Variants in RPS6KA4 observed in about 807,000 individuals in gnomAD.
RPS6KA4 encodes ribosomal protein S6 kinase alpha-4.
In RPS6KA4, 38 loss-of-function variants were observed where a neutral mutation model predicts 89.6. That is an observed-to-expected ratio of 0.42 (90% CI 0.33 to 0.56). The LOEUF (loss-of-function observed/expected upper bound fraction) is 0.56. Ranked by LOEUF, RPS6KA4 falls within the 20% of genes least tolerant of loss-of-function variation. The probability of loss-of-function intolerance (pLI) is 0.07; values close to 1 mark genes in which losing one functional copy is unlikely to be tolerated. For synonymous variants in RPS6KA4, 495 were observed against 492.8 expected (o/e 1.00, Z -0.06); for missense variants, 873 against 1,098.8 (o/e 0.79, Z 2.90).
Position 64,370,806 on chromosome 11 carries a change from C to T in RPS6KA4, c.2121+80C>T, listed in dbSNP as rs977556307. On this transcript the variant is annotated intron_variant, in intron 16 of 16. Coordinates refer to ENST00000334205, the MANE Select transcript of RPS6KA4 (RefSeq NM_003942.3). The surrounding 1 kb of genome is among the most constrained non-coding windows in gnomAD (Gnocchi z 4.1). Reference sequence around the variant, plus strand: ...GTCTGGGGAGGCCCGGCCATCGGAGCACAGAAAGGCGAGGTGAGGCCGGGC... The same window carrying T: ...GTCTGGGGAGGCCCGGCCATCGGAGTACAGAAAGGCGAGGTGAGGCCGGGC... The T allele has an allele frequency of 1.4e-6, 2 of 1,428,620 alleles. No homozygotes were observed. The highest frequency in any genetic ancestry group is 1.8e-6 in the Non-Finnish European group (2 of 1,089,196). 88.5% of individuals were successfully genotyped at this position (1,428,620 alleles called of 1,614,324 possible).
chr11:64,361,638 G>A lies in RPS6KA4; in HGVS notation c.652-4G>A, dbSNP rs2036753002. ...CAGGCCCTCACCCCGGCTCCACCCGGCAGGCTGTGGACTGGTGGAGCCTGG... is the reference window on the plus strand; with the variant it reads ...CAGGCCCTCACCCCGGCTCCACCCGACAGGCTGTGGACTGGTGGAGCCTGG... On this transcript the variant is annotated splice_polypyrimidine_tract_variant and splice_region_variant and intron_variant, in intron 6 of 16. Coordinates refer to ENST00000334205, the MANE Select transcript of RPS6KA4 (RefSeq NM_003942.3). This position sits in a 1 kb window ranked among gnomAD's most constrained non-coding sequence, Gnocchi z 4.7. The A allele has an allele frequency of 1.2e-6, 2 of 1,613,138 alleles. No individual in the cohort carries two copies. The highest frequency in any genetic ancestry group is 3.3e-5 in the Admixed American group (2 of 59,970).
rs1466391730 is a variant in RPS6KA4 at position 64,361,041 on chromosome 11, G to A, written c.463-93G>A. The A allele has an allele frequency of 1.0e-6, 1 of 990,154 alleles. No homozygotes were observed. The highest frequency in any genetic ancestry group is 1.5e-5 in the South Asian group (1 of 64,976). 61.3% of individuals were successfully genotyped at this position (990,154 alleles called of 1,614,324 possible). ...CCTCTACAGGCAGATGACTTTCTCTGGGGGGTCTCCTTATCCTGAGCAGGG... is the reference window on the plus strand; with the variant it reads ...CCTCTACAGGCAGATGACTTTCTCTAGGGGGTCTCCTTATCCTGAGCAGGG... On this transcript the variant is annotated intron_variant, in intron 4 of 16. Transcript: ENST00000334205. This position sits in a 1 kb window ranked among gnomAD's most constrained non-coding sequence, Gnocchi z 4.7.
chr11:64,369,557 G>C lies in RPS6KA4; in HGVS notation c.1540G>C (p.Val514Leu). The C allele has an allele frequency of 6.2e-7, 1 of 1,606,902 alleles. No individual in the cohort carries two copies. Among genetic ancestry groups the C allele is most frequent in the Non-Finnish European group, 8.5e-7 (1 of 1,177,308 alleles). The part of the protein sequence containing the change: ...SEASQILRSL[V>L]SAVSFMHEEA... The stretch of plus-strand genomic sequence containing the variant: ...AGCAAGCCAGATCCTGCGCAGCCTC[G>C]TGTCGGCCGTGAGCTTCATGCACGA... The change falls in exon 13 of 17, where the codon GTG becomes CTG. Residue 514 changes from valine to leucine, a missense_variant. Coordinates refer to ENST00000334205, the MANE Select transcript of RPS6KA4 (RefSeq NM_003942.3).
At chr11:64,368,395 G>T in intron 10 of RPS6KA4, 73 bp from the exon 11 acceptor site, 3 of 1,541,224 alleles carry the variant, frequency 1.9e-6, no homozygotes, top group Non-Finnish European at 2.6e-6. Context: ...CATGGGGCGT[G>T]GCGGGGCCGC....
chr11:64,364,073 A>G (rs1438451693), intron 8 of RPS6KA4, among the ~76,000 whole-genome samples: 1 of 151,804 alleles, frequency 6.6e-6, no homozygotes, highest in Non-Finnish European at 1.5e-5. Flanking sequence ...AGTCCAGATT[A>G]GCAGACCAGG....
In RPS6KA4 at chr11:64,368,450, C is replaced by T. The variant is rs1169100582; in HGVS notation, c.1201-18C>T. 3 of 1,546,890 alleles carry T rather than the reference C, an allele frequency of 1.9e-6. No individual in the cohort carries two copies. The highest frequency in any genetic ancestry group is 2.6e-6 in the Non-Finnish European group (3 of 1,146,488). On this transcript the variant is annotated intron_variant, in intron 10 of 16. Transcript: ENST00000334205. Reference sequence around the variant, plus strand: ...TCTGACGCGCCGCCTTCGCCTTCGCCTTCGCCTTCGCCTCCAGGACTCGCC... The same window carrying T: ...TCTGACGCGCCGCCTTCGCCTTCGCTTTCGCCTTCGCCTCCAGGACTCGCC...
At chr11:64,359,636 C>A in intron 2 of RPS6KA4, 187 bp downstream of exon 2, 1 of 614,334 alleles carries the variant, frequency 1.6e-6, no homozygotes, top group Non-Finnish European at 2.9e-6. Flanking sequence ...TCCACATTGA[C>A]ATCACTCCTC....
In RPS6KA4 at chr11:64,369,726, G is replaced by C; in HGVS notation, c.1630G>C (p.Gly544Arg). 4 of 1,610,608 alleles carry C rather than the reference G, an allele frequency of 2.5e-6. No homozygotes were observed. Among genetic ancestry groups the C allele is most frequent in the Non-Finnish European group, 2.5e-6 (3 of 1,178,612 alleles). Residue 544 changes from glycine (G) to arginine (R), a missense_variant, in exon 14 of 17, where the codon GGG becomes CGG. Gly to Arg is a moderately radical substitution (Grantham distance 125, BLOSUM62 -2). Transcript: ENST00000334205. Reference protein sequence around the residue: ...ENILYADDTPGAPVKIIDFGF... With the variant: ...ENILYADDTPRAPVKIIDFGF... ...CATCCTGTACGCCGACGACACGCCC[G>C]GGGCCCCGGTGAAAATCATCGACTT...
intron 9 of RPS6KA4, among the ~76,000 whole-genome samples, chr11:64,367,547 G>GT (rs918055492): frequency 6.6e-6 from 1 of 152,214 alleles, no homozygotes; most frequent in African/African-American, 2.4e-5. Flanking sequence ...CTGACCTCAG[G>GT]TGATCTACCT....
At position 64,361,563 on chromosome 11, in the gene RPS6KA4, G is replaced by A. The variant is rs1214671257; in HGVS notation, c.651+14G>A. ...GGGCATGGCAAGGTAGGTTGGCAGG[G>A]AAGTGGGGCTGGGGGAGGTGGAAAG... On this transcript the variant is annotated intron_variant, in intron 6 of 16. Transcript: ENST00000334205. This position sits in a 1 kb window ranked among gnomAD's most constrained non-coding sequence, Gnocchi z 4.7. The A allele has an allele frequency of 2.5e-6, 4 of 1,613,932 alleles. No homozygotes were observed. Among genetic ancestry groups the A allele is most frequent in the Non-Finnish European group, 3.4e-6 (4 of 1,179,994 alleles).
Position 64,370,024 on chromosome 11 carries a change from C to G in RPS6KA4, c.1797+131C>G. On this transcript the variant is annotated intron_variant, in intron 14 of 16. Coordinates refer to ENST00000334205, the MANE Select transcript of RPS6KA4 (RefSeq NM_003942.3). The surrounding 1 kb of genome is among the most constrained non-coding windows in gnomAD (Gnocchi z 4.1). ...GCTGGGTTTCGTCCGAAGCTGGGAT[C>G]GGGGTGGTTCAAATACAGAGGTGGG... 2 of 1,150,478 alleles carry G rather than the reference C, an allele frequency of 1.7e-6. No homozygotes were observed. The highest frequency in any genetic ancestry group is 2.4e-6 in the Non-Finnish European group (2 of 841,928). The allele number at this position is 1,150,478 out of a possible 1,614,324, so 71.3% of individuals were successfully genotyped here. A position where few individuals can be genotyped will look rare whatever the true frequency, so the allele number is the denominator to read the frequency against.
Position 64,370,801 on chromosome 11 carries a change from C to T in RPS6KA4, c.2121+75C>T. On this transcript the variant is annotated intron_variant, in intron 16 of 16. Transcript: ENST00000334205. This position sits in a 1 kb window ranked among gnomAD's most constrained non-coding sequence, Gnocchi z 4.1. ...GTGGGGTCTGGGGAGGCCCGGCCAT[C>T]GGAGCACAGAAAGGCGAGGTGAGGC... The T allele has an allele frequency of 1.4e-6, 2 of 1,435,326 alleles. No individual in the cohort carries two copies. The highest frequency in any genetic ancestry group is 1.8e-6 in the Non-Finnish European group (2 of 1,093,506). 88.9% of individuals were successfully genotyped at this position (1,435,326 alleles called of 1,614,324 possible). A position where few individuals can be genotyped will look rare whatever the true frequency, so the allele number is the denominator to read the frequency against.
intron 4 of RPS6KA4, chr11:64,360,866 A>G (rs187220941): frequency 1.7e-6 from 1 of 573,602 alleles, no homozygotes; most frequent in East Asian, 2.9e-5. Flanking sequence ...TGGAAACCTC[A>G]CGGCCTGGCT....
At position 64,361,704 on chromosome 11, in the gene RPS6KA4, C is replaced by T. The variant is rs2036755109; in HGVS notation, c.714C>T (p.Phe238=). The T allele has an allele frequency of 6.2e-7, 1 of 1,611,030 alleles. No individual in the cohort carries two copies. The highest frequency in any genetic ancestry group is 8.5e-7 in the Non-Finnish European group (1 of 1,179,278). The change falls in exon 7 of 17, where the codon TTC becomes TTT. Residue 238 remains phenylalanine (F), a synonymous_variant. Transcript: ENST00000334205. This position sits in a 1 kb window ranked among gnomAD's most constrained non-coding sequence, Gnocchi z 4.7. The stretch of plus-strand genomic sequence containing the variant: ...AGCTGCTGACGGGGGCCTCGCCCTT[C>T]ACCCTGGAGGGCGAGAGGAACACGC... ...LFELLTGASP[F]TLEGERNTQA...
In RPS6KA4 at chr11:64,371,439, G is replaced by A; in HGVS notation, c.2278G>A (p.Gly760Arg). The A allele has an allele frequency of 6.3e-7, 1 of 1,586,270 alleles. No homozygotes were observed. The highest frequency in any genetic ancestry group is 1.8e-5 in the Admixed American group (1 of 56,084). ...GGGCCGAGCCCCCGTCGCCTCCAAA[G>A]GGGCCCCCCGCCGAGCCAACGGCCC... Reference protein sequence around the residue: ...NPGRAPVASKGAPRRANGPLP... With the variant: ...NPGRAPVASKRAPRRANGPLP... Residue 760 changes from glycine (G) to arginine (R), a missense_variant, in exon 17 of 17, where the codon GGG becomes AGG. Gly to Arg is a moderately radical substitution (Grantham distance 125). Around this residue, in one of 4 missense-constraint regions of RPS6KA4, gnomAD observed 278 missense variants for 284.8 expected, o/e 0.98. Coordinates refer to ENST00000334205, the MANE Select transcript of RPS6KA4 (RefSeq NM_003942.3).
chr11:64,359,735 C>T, intron 2 of RPS6KA4: 1 of 549,780 alleles, frequency 1.8e-6, no homozygotes, highest in Non-Finnish European at 3.2e-6. Context: ...ATTTGCATAG[C>T]TCCTCCCTTT....
At chr11:64,360,726 G>A in intron 4 of RPS6KA4, 134 bp downstream of exon 4, 1 of 773,274 alleles carries the variant, frequency 1.3e-6, no homozygotes, top group East Asian at 2.7e-5. Flanking sequence ...GTGGGAATTG[G>A]AGCTGCTTCC....
Position 64,361,834 on chromosome 11 carries a change from C to A in RPS6KA4, c.756-18C>A, listed in dbSNP as rs768947255. 6.3e-7 allele frequency: 1 copy of A among 1,582,320 alleles called. No individual in the cohort carries two copies. The highest frequency in any genetic ancestry group is 8.6e-7 in the Non-Finnish European group (1 of 1,167,084). On this transcript the variant is annotated intron_variant, in intron 7 of 16. Coordinates refer to ENST00000334205, the MANE Select transcript of RPS6KA4 (RefSeq NM_003942.3). The surrounding 1 kb of genome is among the most constrained non-coding windows in gnomAD (Gnocchi z 4.7). ...GGTGGGGGGCTTGCTGCCCCTGACA[C>A]CCCCCCAATCCTCCCAGACGGATCC...
intron 9 of RPS6KA4, 43 bp downstream of exon 9, chr11:64,365,508 T>C (rs1251609128): frequency 6.2e-7 from 1 of 1,606,844 alleles, no homozygotes; most frequent in Non-Finnish European, 8.5e-7. Context: ...AGAGATGAGA[T>C]GTTGCTGTCT....
Sources: allele counts gnomAD v4.1 joint callset (sites outside exome capture counted in the v4.1 genomes callset), GRCh38; gene constraint gnomAD v4.1.1; regional missense constraint gnomAD v4.1.1; non-coding constraint Gnocchi (gnomAD v3.1); transcripts MANE v1.5; gene names NCBI Gene and HGNC (gene_info 2026-07-23, HGNC 2026-07-21).